The following MECOM variants were observed in gnomAD, a reference collection of about 807,000 sequenced individuals.
MECOM encodes MDS1 and EVI1 complex locus, also known as histone-lysine N-methyltransferase MECOM.
Under a neutral mutation model 116.3 loss-of-function variants are expected in MECOM, and 13 were observed. The observed-to-expected ratio is 0.11, with a 90% CI of 0.07 to 0.18. The LOEUF (loss-of-function observed/expected upper bound fraction) is 0.18, where lower values mean the gene tolerates loss of function less well. Ranked by LOEUF, MECOM falls within the 10% of genes least tolerant of loss-of-function variation. MECOM has a pLI of 1.00. For synonymous variants in MECOM, 528 were observed against 535.2 expected (o/e 0.99, Z 0.19); for missense variants, 1,299 against 1,509.0 (o/e 0.86, Z 2.31).
At chr3:169,257,111 A>G (rs1299513838) in intron 2 of MECOM, among the ~76,000 whole-genome samples, 1 of 152,222 alleles carries the variant, frequency 6.6e-6, no homozygotes, top group East Asian at 1.9e-4. Flanking sequence ...TAAAAATTCA[A>G]TTAAAATAAT....
At chr3:169,436,823 AT>A (rs913261051) in intron 1 of MECOM, among the ~76,000 whole-genome samples, 54 of 152,222 alleles carry the variant, frequency 3.5e-4, no homozygotes, top group Middle Eastern at 3.4e-3. Flanking sequence ...ATTTTTGGAA[AT>A]TTTTTATTCT....
At chr3:169,227,915 C>T (rs886275350) in intron 2 of MECOM, among the ~76,000 whole-genome samples, 6 of 152,140 alleles carry the variant, frequency 3.9e-5, no homozygotes, top group African/African-American at 1.4e-4. Context: ...GGAGCAGTGT[C>T]CCTGATGGGA....
At chr3:169,626,218 C>A (rs1444204450) in intron 1 of MECOM, among the ~76,000 whole-genome samples, 1 of 152,108 alleles carries the variant, frequency 6.6e-6, no homozygotes, top group East Asian at 1.9e-4. Flanking sequence ...TGTAACTTAT[C>A]CTCACCCTCC....
rs148431769 is a variant in MECOM at position 169,477,555 on chromosome 3, G to C, written c.38-96031C>G. Among the ~76,000 whole-genome samples the C allele has an allele frequency of 1.1e-4, 16 of 152,304 alleles. No homozygotes were observed. In the East Asian group the frequency reaches 2.7e-3, roughly 26 times the overall value. ...GAGCACTTCTCTGTTTCTTGCAAAG[G>C]ATTAGCTGACTTAAACTAGAGGCTC... On this transcript the variant is annotated intron_variant, in intron 1 of 16. Transcript: ENST00000651503.
At chr3:169,172,407 ATG>A (rs5854312) in intron 2 of MECOM, among the ~76,000 whole-genome samples, 58,928 of 144,274 alleles carry the variant, frequency 0.41, 12,209 homozygotes, top group Middle Eastern at 0.64. Flanking sequence ...GTACCCTTGT[ATG>A]TGTGTGTGTG....
chr3:169,618,000 C>A (rs573186689), intron 1 of MECOM, among the ~76,000 whole-genome samples: 2 of 152,142 alleles, frequency 1.3e-5, no homozygotes, highest in Non-Finnish European at 2.9e-5. Flanking sequence ...TCTTTCCAAG[C>A]TTTCTCCTCC....
intron 2 of MECOM, among the ~76,000 whole-genome samples, chr3:169,150,488 G>C (rs545788069): frequency 1.2e-3 from 180 of 152,334 alleles, no homozygotes; most frequent in Admixed American, 2.3e-3. Flanking sequence ...GCAGTGTTTA[G>C]CACTGCCCTT....
intron 1 of MECOM, among the ~76,000 whole-genome samples, chr3:169,396,747 G>A (rs1735079658): frequency 1.3e-5 from 2 of 152,244 alleles, no homozygotes; most frequent in East Asian, 1.9e-4. Flanking sequence ...CAGGTGGGTG[G>A]ATCACTTGAG....
At chr3:169,552,335 T>A (rs1217443211) in intron 1 of MECOM, among the ~76,000 whole-genome samples, 2 of 151,964 alleles carry the variant, frequency 1.3e-5, no homozygotes. Flanking sequence ...GATAACATCA[T>A]CAAAATTCTT....
At chr3:169,324,215 G>A (rs56160101) in intron 2 of MECOM, among the ~76,000 whole-genome samples, 10,141 of 152,218 alleles carry the variant, frequency 0.067, 360 homozygotes, top group Non-Finnish European at 0.077. Context: ...TCATCCTCAC[G>A]ATAACCCTGG....
chr3:169,197,201 A>G (rs962047264), intron 2 of MECOM, among the ~76,000 whole-genome samples: 3 of 151,886 alleles, frequency 2.0e-5, no homozygotes, highest in Non-Finnish European at 2.9e-5. Flanking sequence ...TTGAAAAACT[A>G]CCTATTGAGT....
chr3:169,636,922 C>T (rs62295986), intron 1 of MECOM, among the ~76,000 whole-genome samples: 3,890 of 152,198 alleles, frequency 0.026, 66 homozygotes, highest in Non-Finnish European at 0.038. Context: ...GACTACAATA[C>T]CTAGTCTCTG....
chr3:169,462,620 G>A (rs760645311), intron 1 of MECOM, among the ~76,000 whole-genome samples: 1 of 152,094 alleles, frequency 6.6e-6, no homozygotes, highest in Non-Finnish European at 1.5e-5. Context: ...AAATTTTTAT[G>A]CTGTTAAATT....
intron 2 of MECOM, among the ~76,000 whole-genome samples, chr3:169,225,000 T>G (rs1349509522): frequency 6.6e-6 from 1 of 152,210 alleles, no homozygotes; most frequent in African/African-American, 2.4e-5. Flanking sequence ...GCTAAATACA[T>G]TGGTCAGATT....
At chr3:169,327,223 T>C (rs1289247184) in intron 2 of MECOM, among the ~76,000 whole-genome samples, 1 of 152,254 alleles carries the variant, frequency 6.6e-6, no homozygotes, top group African/African-American at 2.4e-5. Context: ...TGGTCATGTA[T>C]ATTACCATGA....
chr3:169,657,949 A>G (rs1173662540), intron 1 of MECOM, among the ~76,000 whole-genome samples: 1 of 152,202 alleles, frequency 6.6e-6, no homozygotes. Flanking sequence ...GAAGAACTAC[A>G]CTATTTCTCC....
At chr3:169,639,437 A>G (rs1377665651) in intron 1 of MECOM, among the ~76,000 whole-genome samples, 1 of 152,230 alleles carries the variant, frequency 6.6e-6, no homozygotes, top group African/African-American at 2.4e-5. Flanking sequence ...CAAAGTATAT[A>G]GTGAAGCATT....
intron 3 of MECOM, among the ~76,000 whole-genome samples, chr3:169,132,890 A>G (rs1444430908): frequency 6.6e-6 from 1 of 151,498 alleles, no homozygotes; most frequent in Non-Finnish European, 1.5e-5. Flanking sequence ...AGTAGCTGGG[A>G]CTACAGCATG....
At chr3:169,434,887 C>T (rs1742381309) in intron 1 of MECOM, among the ~76,000 whole-genome samples, 1 of 152,094 alleles carries the variant, frequency 6.6e-6, no homozygotes, top group Non-Finnish European at 1.5e-5. Context: ...CAAATTTAAA[C>T]TTCATTACAT....
Sources: allele counts gnomAD v4.1 joint callset (sites outside exome capture counted in the v4.1 genomes callset), GRCh38; gene constraint gnomAD v4.1.1; transcripts MANE v1.5; gene names NCBI Gene and HGNC (gene_info 2026-07-23, HGNC 2026-07-21).